ZFHX3: variants seen among roughly 807,000 people sequenced by gnomAD.
ZFHX3 encodes the protein zinc finger homeobox 3.
Under a neutral mutation model 279.1 loss-of-function variants are expected in ZFHX3, and 42 were observed. The observed-to-expected ratio is 0.15, with a 90% CI of 0.12 to 0.19. The LOEUF is 0.19. ZFHX3 is among the 10% of genes least tolerant of loss of function. The probability of loss-of-function intolerance (pLI) is 1.00; values close to 1 mark genes in which losing one functional copy is unlikely to be tolerated. For synonymous variants in ZFHX3, 2,293 were observed against 1,957.8 expected (o/e 1.17, Z -4.52); for missense variants, 4,981 against 4,754.0 (o/e 1.05, Z -1.40).
chr16:72,843,859 A>T (rs928886665), intron 4 of ZFHX3, among the ~76,000 whole-genome samples: 1 of 152,200 alleles, frequency 6.6e-6, no homozygotes, highest in African/African-American at 2.4e-5. Flanking sequence ...AACCAAAGCA[A>T]ACCCCACGAT....
At chr16:73,065,566 GGTGTGT>G (rs10540025) in intron 8 of ZFHX3, among the ~76,000 whole-genome samples, 9,736 of 144,564 alleles carry the variant, frequency 0.067, 427 homozygotes, top group African/African-American at 0.12. Flanking sequence ...AGCTTTTCCT[GGTGTGT>G]GTGTGTGTGT....
intron 1 of ZFHX3, among the ~76,000 whole-genome samples, chr16:73,805,470 T>G (rs1960253353): frequency 1.3e-5 from 2 of 152,140 alleles, no homozygotes; most frequent in Non-Finnish European, 2.9e-5. Flanking sequence ...TGGCTGGCCA[T>G]TCTGGTATAT....
intron 8 of ZFHX3, among the ~76,000 whole-genome samples, chr16:73,069,448 G>T (rs1382097475): frequency 6.6e-6 from 1 of 152,168 alleles, no homozygotes; most frequent in Non-Finnish European, 1.5e-5. Flanking sequence ...TATTCTGCCA[G>T]CTCACGTGTC....
chr16:72,909,746 C>T (rs914082106), intron 3 of ZFHX3, among the ~76,000 whole-genome samples: 7 of 151,780 alleles, frequency 4.6e-5, no homozygotes, highest in African/African-American at 1.5e-4. Flanking sequence ...GGCATGGTGG[C>T]GTGCACCTGC....
At chr16:73,062,212 A>G (rs1965692338), upstream of ZFHX3, 1 of 152,204 alleles carries the variant, frequency 6.6e-6, no homozygotes, top group Admixed American at 6.5e-5. Flanking sequence ...TAGGCTAAAT[A>G]TTGCATTGCT....
At chr16:72,908,667 C>G (rs1209995189) in intron 3 of ZFHX3, among the ~76,000 whole-genome samples, 1 of 152,168 alleles carries the variant, frequency 6.6e-6, no homozygotes, top group East Asian at 1.9e-4. Flanking sequence ...ATGACTCATG[C>G]GATGACACAA....
intron 2 of ZFHX3, among the ~76,000 whole-genome samples, chr16:73,672,138 A>T (rs1375303263): frequency 6.6e-6 from 1 of 152,186 alleles, no homozygotes; most frequent in Non-Finnish European, 1.5e-5. Context: ...ACAGATTCAG[A>T]TAGCAGATCA....
chr16:73,577,684 T>C (rs1412238310), intron 2 of ZFHX3, among the ~76,000 whole-genome samples: 2 of 152,222 alleles, frequency 1.3e-5, no homozygotes, highest in African/African-American at 4.8e-5. Flanking sequence ...TACTTTTGTT[T>C]TTAAAATTCT....
chr16:73,805,573 C>T (rs1423777566), intron 1 of ZFHX3, among the ~76,000 whole-genome samples: 1 of 152,232 alleles, frequency 6.6e-6, no homozygotes, highest in Non-Finnish European at 1.5e-5. Flanking sequence ...TGCTCAGTCA[C>T]TGTTCATGGA....
chr16:73,800,901 GACTCTGTAAAAGGCCCATCA>G (rs1403519181), intron 1 of ZFHX3, among the ~76,000 whole-genome samples: 3 of 152,172 alleles, frequency 2.0e-5, no homozygotes, highest in Admixed American at 6.5e-5. Context: ...CTGACACACT[GACTCTGTAAAAGGCCCATCA>G]GCTCATGTGT....
chr16:73,186,166 A>G (rs1051259505), intron 5 of ZFHX3, among the ~76,000 whole-genome samples: 2 of 152,182 alleles, frequency 1.3e-5, no homozygotes, highest in African/African-American at 4.8e-5. Context: ...TGTATAATTC[A>G]TTATATGTTA....
At chr16:73,876,657 G>A (rs138435748) in intron 1 of ZFHX3, among the ~76,000 whole-genome samples, 112 of 152,290 alleles carry the variant, frequency 7.4e-4, no homozygotes, top group African/African-American at 2.6e-3. Context: ...CTCCCCAGTT[G>A]GATATGTGGG....
chr16:73,364,397 G>A (rs2016492111), intron 3 of ZFHX3, among the ~76,000 whole-genome samples: 1 of 150,564 alleles, frequency 6.6e-6, no homozygotes, highest in African/African-American at 2.4e-5. Flanking sequence ...AGTAATAATA[G>A]TTTCTAACAA....
intron 4 of ZFHX3, among the ~76,000 whole-genome samples, chr16:73,277,051 C>T (rs1461154741): frequency 6.6e-6 from 1 of 152,154 alleles, no homozygotes; most frequent in Non-Finnish European, 1.5e-5. Flanking sequence ...TTTTGGGTAT[C>T]CTGAGTTATT....
chr16:73,180,096 G>C (rs1174766299), intron 5 of ZFHX3, among the ~76,000 whole-genome samples: 2 of 152,334 alleles, frequency 1.3e-5, no homozygotes, highest in East Asian at 3.9e-4. Flanking sequence ...TGTATAAACA[G>C]ATTGAAGAAC....
rs11075951 is a variant in ZFHX3 at position 72,958,370 on chromosome 16, G to C, written c.1776C>G (p.Asp592Glu). 153 of 1,614,090 alleles carry C rather than the reference G, an allele frequency of 9.5e-5. No homozygotes were observed. The highest frequency in any genetic ancestry group is 1.3e-4 in the African/African-American group (10 of 75,030). ...TGGCATTGTCTTTATTGGCACTTTC[G>C]TCAGCGAAGTCCAGCCTCCTGCCGC... Reference protein sequence around the residue: ...AEGGRRLDFADESANKDNATA... With the variant: ...AEGGRRLDFAEESANKDNATA... The change falls in exon 2 of 10, where the codon GAC becomes GAG. Residue 592 changes from aspartate to glutamate, a missense_variant. Around this residue, in one of 7 missense-constraint regions of ZFHX3, gnomAD observed 1,068 missense variants for 935.2 expected, o/e 1.14. Coordinates refer to ENST00000268489, the MANE Select transcript of ZFHX3 (RefSeq NM_006885.4).
intron 2 of ZFHX3, among the ~76,000 whole-genome samples, chr16:73,457,560 G>A (rs1357725060): frequency 6.6e-6 from 1 of 152,152 alleles, no homozygotes; most frequent in Non-Finnish European, 1.5e-5. Flanking sequence ...ATCACTTGAG[G>A]CCAGGAGTTC....
chr16:73,351,865 C>T (rs1386980337), intron 3 of ZFHX3, among the ~76,000 whole-genome samples: 4 of 152,204 alleles, frequency 2.6e-5, no homozygotes, highest in Non-Finnish European at 4.4e-5. Flanking sequence ...TGGTCCAGGT[C>T]CTTGTCTGTC....
intron 2 of ZFHX3, among the ~76,000 whole-genome samples, chr16:73,524,771 A>G (rs1303789467): frequency 1.3e-5 from 2 of 152,226 alleles, no homozygotes; most frequent in African/African-American, 2.4e-5. Context: ...GTCAGCTGGT[A>G]TTCTGCTCTT....
Sources: allele counts gnomAD v4.1 joint callset (sites outside exome capture counted in the v4.1 genomes callset), GRCh38; gene constraint gnomAD v4.1.1; regional missense constraint gnomAD v4.1.1; transcripts MANE v1.5; gene names NCBI Gene and HGNC (gene_info 2026-07-23, HGNC 2026-07-21).